The following LRRC4C variants were observed in gnomAD, a reference collection of about 807,000 sequenced individuals.
LRRC4C encodes the protein leucine rich repeat containing 4C.
LRRC4C carries 5 observed loss-of-function variants against 33.6 expected under a neutral mutation model. The observed-to-expected ratio is 0.15, with a 90% CI of 0.08 to 0.31. The LOEUF (loss-of-function observed/expected upper bound fraction) is 0.31, where lower values mean the gene tolerates loss of function less well. LRRC4C is among the 10% of genes least tolerant of loss of function. The pLI, the probability that LRRC4C is intolerant of heterozygous loss-of-function variation, is 1.00. For synonymous variants in LRRC4C, 329 were observed against 302.0 expected, an observed-to-expected ratio of 1.09 and a Z score of -0.93; for missense variants, 560 against 796.7, an observed-to-expected ratio of 0.70 and a Z score of 3.58.
intron 2 of LRRC4C, among the ~76,000 whole-genome samples, chr11:40,756,322 C>T (rs966599294): frequency 2.0e-5 from 3 of 152,048 alleles, no homozygotes; most frequent in Non-Finnish European, 4.4e-5. Context: ...ACCTTTAGCA[C>T]TCTTAAAGTA....
intron 3 of LRRC4C, among the ~76,000 whole-genome samples, chr11:40,415,052 A>G (rs893313270): frequency 6.6e-6 from 1 of 152,226 alleles, no homozygotes; most frequent in African/African-American, 2.4e-5. Context: ...CCAGCCATGT[A>G]TTCCATCTGT....
intron 3 of LRRC4C, among the ~76,000 whole-genome samples, chr11:40,546,516 G>A (rs1358718403): frequency 2.0e-5 from 3 of 152,004 alleles, no homozygotes; most frequent in African/African-American, 4.8e-5. Context: ...CCCTATGGAT[G>A]TTGGATTTTA....
intron 2 of LRRC4C, among the ~76,000 whole-genome samples, chr11:40,798,245 A>T (rs1028460600): frequency 2.0e-5 from 3 of 152,206 alleles, no homozygotes; most frequent in African/African-American, 7.2e-5. Flanking sequence ...CAAGAATGCT[A>T]TGTGTGCACA....
intron 1 of LRRC4C, among the ~76,000 whole-genome samples, chr11:41,261,909 A>C (rs1397358926): frequency 6.6e-6 from 1 of 152,146 alleles, no homozygotes; most frequent in African/African-American, 2.4e-5. Flanking sequence ...AACTGCTGGA[A>C]GAAATAAAAG....
At chr11:40,914,803 C>A (rs1489198825) in intron 2 of LRRC4C, among the ~76,000 whole-genome samples, 2 of 152,134 alleles carry the variant, frequency 1.3e-5, no homozygotes, top group Admixed American at 6.6e-5. Context: ...AAAACCCCAT[C>A]GTCTCAGCCC....
intron 4 of LRRC4C, among the ~76,000 whole-genome samples, chr11:40,253,087 A>G (rs2136193507): frequency 6.6e-6 from 1 of 152,340 alleles, no homozygotes; most frequent in Non-Finnish European, 1.5e-5. Flanking sequence ...ATTTCTACAG[A>G]TAATAGCAAT....
intron 1 of LRRC4C, among the ~76,000 whole-genome samples, chr11:41,054,698 T>C (rs960106972): frequency 6.6e-6 from 1 of 152,204 alleles, no homozygotes; most frequent in Non-Finnish European, 1.5e-5. Context: ...GGAGAAGTTT[T>C]AGTCATTTAT....
intron 5 of LRRC4C, among the ~76,000 whole-genome samples, chr11:40,216,122 T>C (rs1863958942): frequency 6.6e-6 from 1 of 152,178 alleles, no homozygotes; most frequent in Non-Finnish European, 1.5e-5. Flanking sequence ...ATTCTCCTTG[T>C]TAAAAAATAA....
rs922427428 is a variant in LRRC4C at position 40,224,211 on chromosome 11, A to G, written c.-96+17308T>C. Among the ~76,000 whole-genome samples the G allele has an allele frequency of 4.6e-5, 7 of 152,254 alleles. No homozygotes were observed. In the East Asian group the frequency reaches 5.8e-4, roughly 13 times the overall value. On this transcript the variant is annotated intron_variant, in intron 5 of 6. Transcript: ENST00000528697. ...TTCTATAGAGGCTGTCAAATACTCA[A>G]TAGCCTCCACATTCATTAAAATCCT...
At chr11:40,901,019 C>A (rs1956173252) in intron 2 of LRRC4C, among the ~76,000 whole-genome samples, 1 of 152,034 alleles carries the variant, frequency 6.6e-6, no homozygotes, top group African/African-American at 2.4e-5. Context: ...CCATCTGGGC[C>A]TGTTGCTTTG....
At chr11:41,320,565 G>A (rs1290891892) in intron 1 of LRRC4C, among the ~76,000 whole-genome samples, 1 of 148,536 alleles carries the variant, frequency 6.7e-6, no homozygotes, top group African/African-American at 2.6e-5. Flanking sequence ...TAATTTTAGT[G>A]TTATGAAAAA....
At position 41,081,452 on chromosome 11, in the gene LRRC4C, AG is replaced by A. The variant is rs531530287; in HGVS notation, c.-495-147730del. Among the ~76,000 whole-genome samples the A allele has an allele frequency of 1.4e-3, 210 of 152,310 alleles. 1 individual carries two copies. The highest frequency in any genetic ancestry group is 4.8e-3 in the African/African-American group (200 of 41,568). ...CCTCATACCAGCCATTCAAGCATCA[AG>A]ATTACTACTTGCTGGCTTCAAAAGG... On this transcript the variant is annotated intron_variant, in intron 1 of 6. Coordinates refer to ENST00000528697, the MANE Select transcript of LRRC4C (RefSeq NM_001258419.2).
intron 3 of LRRC4C, among the ~76,000 whole-genome samples, chr11:40,349,823 A>G (rs981464618): frequency 1.2e-4 from 18 of 152,132 alleles, no homozygotes; most frequent in Non-Finnish European, 2.9e-5. Flanking sequence ...CTGATGATCA[A>G]TGATGTTAAG....
intron 1 of LRRC4C, among the ~76,000 whole-genome samples, chr11:40,983,561 C>A (rs758260854): frequency 2.6e-5 from 4 of 152,098 alleles, no homozygotes; most frequent in Non-Finnish European, 5.9e-5. Flanking sequence ...AAACAGACAA[C>A]CTACAAGACG....
chr11:40,666,564 A>G (rs760208906), intron 2 of LRRC4C, among the ~76,000 whole-genome samples: 1 of 152,168 alleles, frequency 6.6e-6, no homozygotes, highest in Non-Finnish European at 1.5e-5. Flanking sequence ...AAATGGTTCA[A>G]ATTTGGGGAA....
rs550141475 is a variant in LRRC4C, at chr11:40,745,663, G to T, written c.-406-97385C>A. Among the ~76,000 whole-genome samples the T allele has an allele frequency of 4.6e-5, 7 of 152,100 alleles. No individual in the cohort carries two copies. In the South Asian group the frequency reaches 1.5e-3, roughly 32 times the overall value. ...TTTTTCCACAATATTTTACTAGGAAGATAATGTATATTTACATGAGAAATA... is the reference window on the plus strand; with the variant it reads ...TTTTTCCACAATATTTTACTAGGAATATAATGTATATTTACATGAGAAATA... On this transcript the variant is annotated intron_variant, in intron 2 of 6. Transcript: ENST00000528697.
chr11:40,330,638 A>G (rs1423939040), intron 3 of LRRC4C, among the ~76,000 whole-genome samples: 1 of 152,154 alleles, frequency 6.6e-6, no homozygotes, highest in African/African-American at 2.4e-5. Flanking sequence ...ACAGGGTGGC[A>G]GGAGACAGAA....
chr11:41,140,743 A>G (rs2135905191), intron 1 of LRRC4C, among the ~76,000 whole-genome samples: 1 of 120,042 alleles, frequency 8.3e-6, no homozygotes, highest in African/African-American at 2.9e-5. Flanking sequence ...CATGGTCAGA[A>G]AGTTTCTCCT....
At chr11:40,954,111 G>GC (rs1353314923) in intron 1 of LRRC4C, among the ~76,000 whole-genome samples, 1 of 151,866 alleles carries the variant, frequency 6.6e-6, no homozygotes, top group Non-Finnish European at 1.5e-5. Flanking sequence ...GGCATCTACT[G>GC]CATAGAACTT....
Sources: allele counts gnomAD v4.1 joint callset (sites outside exome capture counted in the v4.1 genomes callset), GRCh38; gene constraint gnomAD v4.1.1; transcripts MANE v1.5; gene names NCBI Gene and HGNC (gene_info 2026-07-23, HGNC 2026-07-21).